Variants in HDAC4 observed in about 807,000 individuals in gnomAD.
HDAC4 encodes the protein histone deacetylase A.
A neutral mutation model predicts 135.1 loss-of-function variants in HDAC4; 16 were observed. The ratio of observed to expected loss-of-function variants is 0.12; its 90% CI spans 0.08 to 0.18. The LOEUF (loss-of-function observed/expected upper bound fraction) is 0.18. Ranked by LOEUF, HDAC4 falls within the 10% of genes least tolerant of loss-of-function variation. The pLI is 1.00. For synonymous variants in HDAC4, 685 were observed against 653.4 expected (o/e 1.05, Z -0.74); for missense variants, 1,143 against 1,511.8 (o/e 0.76, Z 4.05).
rs377520097 is a variant in HDAC4 at position 239,190,554 on chromosome 2, G to A, written c.95-477C>T. Among the ~76,000 whole-genome samples the A allele has an allele frequency of 6.2e-4, 94 of 152,316 alleles. No individual in the cohort carries two copies. The South Asian group carries it at 0.018, about 29-fold the overall frequency. On this transcript the variant is annotated intron_variant, in intron 3 of 26. Transcript: ENST00000543185. ...CCTCTTCCATCGAAGTCACCGTGCCGCTGTGAGAGCCACAAGAGCGTGTGC... is the reference window on the plus strand; with the variant it reads ...CCTCTTCCATCGAAGTCACCGTGCCACTGTGAGAGCCACAAGAGCGTGTGC...
At chr2:239,347,206 T>C (rs971047018) in intron 2 of HDAC4, among the ~76,000 whole-genome samples, 1 of 152,224 alleles carries the variant, frequency 6.6e-6, no homozygotes, top group Non-Finnish European at 1.5e-5. Flanking sequence ...TATATTAAAA[T>C]ATAATAATCT....
intron 19 of HDAC4, among the ~76,000 whole-genome samples, chr2:239,086,620 G>A (rs140607694): frequency 2.1e-3 from 313 of 152,332 alleles, no homozygotes; most frequent in African/African-American, 7.0e-3. Context: ...CGGCCCCTCC[G>A]TGGACGCCTG....
chr2:239,145,876 A>G (rs887307053), intron 7 of HDAC4, among the ~76,000 whole-genome samples: 2 of 152,212 alleles, frequency 1.3e-5, no homozygotes, highest in African/African-American at 4.8e-5. Context: ...GGACGTGCAG[A>G]CAGCCCAGGA....
At chr2:239,256,660 G>T (rs570697068) in intron 2 of HDAC4, among the ~76,000 whole-genome samples, 1 of 152,362 alleles carries the variant, frequency 6.6e-6, no homozygotes, top group African/African-American at 2.4e-5. Context: ...TTGTGTCCAT[G>T]ACCCTGAAGC....
intron 2 of HDAC4, among the ~76,000 whole-genome samples, chr2:239,342,881 G>C (rs1478308105): frequency 6.6e-6 from 1 of 152,234 alleles, no homozygotes; most frequent in Admixed American, 6.5e-5. Context: ...ACACTGTCAA[G>C]GGGGCTCCCA....
chr2:239,383,044 T>C (rs1191682700), intron 1 of HDAC4, among the ~76,000 whole-genome samples: 1 of 152,144 alleles, frequency 6.6e-6, no homozygotes, highest in Non-Finnish European at 1.5e-5. Flanking sequence ...ACAACTCAAG[T>C]GAAGTGTTCA....
intron 16 of HDAC4, among the ~76,000 whole-genome samples, chr2:239,098,612 G>T (rs1312003058): frequency 6.6e-6 from 1 of 152,242 alleles, no homozygotes; most frequent in East Asian, 1.9e-4. Flanking sequence ...AGCCAATTCA[G>T]CCACGCCTTA....
chr2:239,338,914 C>A (rs11884598), intron 2 of HDAC4, among the ~76,000 whole-genome samples: 2 of 152,050 alleles, frequency 1.3e-5, no homozygotes, highest in South Asian at 2.1e-4. Context: ...GGTTCGGTTC[C>A]CCAGTGGCTG....
chr2:239,293,081 T>C (rs2051626968), intron 2 of HDAC4, among the ~76,000 whole-genome samples: 1 of 152,210 alleles, frequency 6.6e-6, no homozygotes, highest in Non-Finnish European at 1.5e-5. Flanking sequence ...AGCTCCCAGG[T>C]AGCCCAGAAT....
chr2:239,223,727 G>C (rs992137074), intron 3 of HDAC4, among the ~76,000 whole-genome samples: 1 of 152,082 alleles, frequency 6.6e-6, no homozygotes, highest in Non-Finnish European at 1.5e-5. Flanking sequence ...GCTGCTGGCT[G>C]TGGAGGCTGT....
At position 239,308,269 on chromosome 2, in the gene HDAC4, C is replaced by T. The variant is rs1416846797; in HGVS notation, c.22+44409G>A. Among the ~76,000 whole-genome samples, 2 of 152,126 alleles carry T rather than the reference C, an allele frequency of 1.3e-5. No homozygotes were observed. The highest frequency in any genetic ancestry group is 2.4e-5 in the African/African-American group (1 of 41,430). ...GGGGGAGTCCACTGCCTTGGGGACA[C>T]GAGGGAGCCAGGGTCACTTTCTTCC... On this transcript the variant is annotated intron_variant, in intron 2 of 26. Coordinates refer to ENST00000543185, the MANE Select transcript of HDAC4 (RefSeq NM_001378414.1). This position sits in a 1 kb window ranked among gnomAD's most constrained non-coding sequence, Gnocchi z 4.2.
chr2:239,261,085 C>A (rs902290243), intron 2 of HDAC4, among the ~76,000 whole-genome samples: 5 of 152,188 alleles, frequency 3.3e-5, no homozygotes, highest in African/African-American at 4.8e-5. Flanking sequence ...TTGTTTGTTT[C>A]TGTAGAGACA....
At chr2:239,250,016 C>T (rs569812816) in intron 2 of HDAC4, among the ~76,000 whole-genome samples, 3 of 152,204 alleles carry the variant, frequency 2.0e-5, no homozygotes, top group African/African-American at 7.2e-5. Flanking sequence ...GGAAGGAGGC[C>T]GTGCACAGCC....
In HDAC4 at chr2:239,073,491, C is replaced by T. The variant is rs1458418100; in HGVS notation, c.2751-4884G>A. On this transcript the variant is annotated intron_variant, in intron 22 of 26. Transcript: ENST00000543185. ...CAAGACAGGACAGACAGTGCATCGG[C>T]GTGCGAGCGTCCCTGTGCTCTGATA... 4.6e-5 allele frequency among the ~76,000 whole-genome samples: 7 copies of T among 152,356 alleles called. No individual in the cohort carries two copies. In the South Asian group the frequency reaches 8.3e-4, roughly 18 times the overall value.
chr2:239,120,673 T>C (rs3791436), intron 12 of HDAC4, among the ~76,000 whole-genome samples: 114,588 of 146,556 alleles, frequency 0.78, 45,062 homozygotes, highest in South Asian at 0.89. Flanking sequence ...GAGGGGACCC[T>C]GTGGGGCTGC....
intron 2 of HDAC4, among the ~76,000 whole-genome samples, chr2:239,326,183 T>C (rs2053464804): frequency 6.6e-6 from 1 of 152,002 alleles, no homozygotes; most frequent in South Asian, 2.1e-4. Context: ...CTGCTCATCC[T>C]TAAAAGTTTT....
chr2:239,270,791 C>T (rs1670610492), intron 2 of HDAC4, among the ~76,000 whole-genome samples: 1 of 152,318 alleles, frequency 6.6e-6, no homozygotes, highest in South Asian at 2.1e-4. Context: ...CTGTGAGCAG[C>T]ACGTGCAGAC....
chr2:239,118,278 T>C (rs1400597966), intron 12 of HDAC4, among the ~76,000 whole-genome samples: 3 of 152,184 alleles, frequency 2.0e-5, no homozygotes, highest in Non-Finnish European at 4.4e-5. Flanking sequence ...AAAACGCAGA[T>C]CCATTGTTTA....
At chr2:239,058,975 G>A (rs2032277146) in intron 24 of HDAC4, among the ~76,000 whole-genome samples, 1 of 152,110 alleles carries the variant, frequency 6.6e-6, no homozygotes, top group South Asian at 2.1e-4. Flanking sequence ...AAAGCAAGTC[G>A]CCACAAAAAA....
Sources: allele counts gnomAD v4.1 joint callset (sites outside exome capture counted in the v4.1 genomes callset), GRCh38; gene constraint gnomAD v4.1.1; non-coding constraint Gnocchi (gnomAD v3.1); transcripts MANE v1.5; gene names NCBI Gene and HGNC (gene_info 2026-07-23, HGNC 2026-07-21).